CA10: variants seen among roughly 807,000 people sequenced by gnomAD.
The protein encoded by CA10 is carbonic anhydrase-related protein 10.
Under a neutral mutation model 44.2 loss-of-function variants are expected in CA10, and 14 were observed. The observed-to-expected ratio is 0.32, with a 90% confidence interval of 0.21 to 0.50. The LOEUF (loss-of-function observed/expected upper bound fraction) is 0.50. Among genes scored for constraint, CA10 ranks in the 20% least tolerant of loss-of-function variants. CA10 has a pLI of 0.99. For missense variants in CA10, 350 were observed against 409.7 expected (o/e 0.85, Z 1.26); for synonymous variants, 159 against 141.6 (o/e 1.12, Z -0.87).
chr17:51,923,278 A>T (rs1982302412), intron 3 of CA10, among the ~76,000 whole-genome samples: 1 of 152,284 alleles, frequency 6.6e-6, no homozygotes, highest in Admixed American at 6.5e-5. Flanking sequence ...CCTTCTGCAT[A>T]TAGAGTAAGA....
chr17:52,141,206 T>A (rs1057163022), intron 1 of CA10, among the ~76,000 whole-genome samples: 2 of 152,200 alleles, frequency 1.3e-5, no homozygotes, highest in African/African-American at 4.8e-5. Flanking sequence ...AGAGCTACTC[T>A]AAGCTCCTCT....
At chr17:51,797,574 G>C (rs866259347) in intron 3 of CA10, among the ~76,000 whole-genome samples, 1 of 152,120 alleles carries the variant, frequency 6.6e-6, no homozygotes, top group Admixed American at 6.5e-5. Context: ...GAAAGGAAGA[G>C]GCCAGGCGCA....
intron 3 of CA10, among the ~76,000 whole-genome samples, chr17:51,827,884 T>C (rs909654566): frequency 6.6e-6 from 1 of 152,188 alleles, no homozygotes; most frequent in African/African-American, 2.4e-5. Context: ...AGAAATAATG[T>C]GGACCACCTT....
At chr17:52,047,581 AAAGT>A (rs1330623349) in intron 2 of CA10, among the ~76,000 whole-genome samples, 10 of 152,016 alleles carry the variant, frequency 6.6e-5, no homozygotes, top group African/African-American at 2.4e-4. Flanking sequence ...GTTTCACACA[AAAGT>A]AATTCATGCA....
intron 3 of CA10, among the ~76,000 whole-genome samples, chr17:51,787,913 T>TGTTTCATTG (rs1906355994): frequency 6.6e-6 from 1 of 152,246 alleles, no homozygotes; most frequent in African/African-American, 2.4e-5. Flanking sequence ...TCCAACTTTT[T>TGTTTCATTG]GTTTCATTGA....
intron 3 of CA10, among the ~76,000 whole-genome samples, chr17:51,815,442 C>T (rs1003973178): frequency 6.6e-6 from 1 of 152,068 alleles, no homozygotes; most frequent in African/African-American, 2.4e-5. Flanking sequence ...GGGCTCACTG[C>T]CACATAGTTC....
At chr17:51,920,520 G>T (rs1982186758) in intron 3 of CA10, among the ~76,000 whole-genome samples, 1 of 152,154 alleles carries the variant, frequency 6.6e-6, no homozygotes, top group African/African-American at 2.4e-5. Context: ...ATACCCACAG[G>T]AGGAGTAAAG....
At chr17:51,786,306 C>A (rs981445108) in intron 3 of CA10, among the ~76,000 whole-genome samples, 4 of 151,882 alleles carry the variant, frequency 2.6e-5, no homozygotes, top group Non-Finnish European at 4.4e-5. Context: ...AATCCCAGCA[C>A]TTTGGGAGGC....
intron 1 of CA10, among the ~76,000 whole-genome samples, chr17:52,079,302 A>G (rs1987902579): frequency 6.6e-6 from 1 of 151,152 alleles, no homozygotes; most frequent in East Asian, 2.0e-4. Context: ...CAAAAACACA[A>G]ACAAAAATTA....
At chr17:51,911,016 A>G (rs1981768502) in intron 3 of CA10, among the ~76,000 whole-genome samples, 1 of 152,190 alleles carries the variant, frequency 6.6e-6, no homozygotes. Flanking sequence ...TGGAAGACAT[A>G]GGTGATAATG....
At chr17:51,721,615 G>T (rs1283136404) in intron 4 of CA10, among the ~76,000 whole-genome samples, 1 of 151,910 alleles carries the variant, frequency 6.6e-6, no homozygotes, top group Admixed American at 6.6e-5. Context: ...GATTACAAGC[G>T]TGAGCCACCG....
intron 3 of CA10, among the ~76,000 whole-genome samples, chr17:51,752,099 C>T (rs77937447): frequency 0.019 from 2,839 of 152,134 alleles, 112 homozygotes; most frequent in African/African-American, 0.066. Flanking sequence ...CTTTTCCCCA[C>T]TCTTCCCATA....
chr17:52,019,889 T>G (rs1200891447), intron 2 of CA10, among the ~76,000 whole-genome samples: 1 of 152,006 alleles, frequency 6.6e-6, no homozygotes, highest in African/African-American at 2.4e-5. Context: ...CAGTGTAATA[T>G]CACTGTGAAG....
intron 4 of CA10, among the ~76,000 whole-genome samples, chr17:51,705,737 G>C (rs1048591691): frequency 9.9e-5 from 15 of 152,262 alleles, no homozygotes; most frequent in South Asian, 4.1e-4. Context: ...CAAACCTTAA[G>C]GGGGAGGACC....
intron 2 of CA10, among the ~76,000 whole-genome samples, chr17:51,985,499 A>G (rs1984801940): frequency 6.6e-6 from 1 of 152,180 alleles, no homozygotes; most frequent in East Asian, 1.9e-4. Flanking sequence ...TAGCACTGGG[A>G]GTCCTAGCCA....
chr17:51,718,985 G>A (rs961872673), intron 4 of CA10, among the ~76,000 whole-genome samples: 3 of 152,214 alleles, frequency 2.0e-5, no homozygotes, highest in Non-Finnish European at 1.5e-5. Context: ...CACATGGGAA[G>A]CATGGCCAGG....
At chr17:51,944,170 A>AT (rs1421182574) in intron 2 of CA10, among the ~76,000 whole-genome samples, 1 of 152,200 alleles carries the variant, frequency 6.6e-6, no homozygotes, top group African/African-American at 2.4e-5. Context: ...CAATTCCCAC[A>AT]TTTTAAAATG....
intron 3 of CA10, among the ~76,000 whole-genome samples, chr17:51,766,813 T>C (rs1402635052): frequency 6.6e-6 from 1 of 152,158 alleles, no homozygotes; most frequent in Non-Finnish European, 1.5e-5. Context: ...AAATTTTCCA[T>C]GAATCAGAGA....
rs537206084 is a variant in CA10 at position 51,821,591 on chromosome 17, A to G, written c.280-73773T>C. ...TTCACTCCCATCCAGTCTAGTCTAC[A>G]TCCAGGGGTCAGGAAGAACTTGTAA... On this transcript the variant is annotated intron_variant, in intron 3 of 8. Coordinates refer to ENST00000451037, the MANE Select transcript of CA10 (RefSeq NM_020178.5). Among the ~76,000 whole-genome samples, 100 of 152,174 alleles carry G rather than the reference A, an allele frequency of 6.6e-4. 1 individual carries two copies. Among genetic ancestry groups the G allele is most frequent in the African/African-American group, 2.2e-3 (93 of 41,466 alleles).
Sources: gnomAD v4.1 joint callset for allele counts (sites outside exome capture counted in the v4.1 genomes callset) on GRCh38, gnomAD v4.1.1 for gene constraint, MANE v1.5 for transcripts, NCBI Gene and HGNC (gene_info 2026-07-23, HGNC 2026-07-21) for gene names.